The following PCMT1 variants were observed in gnomAD, a reference collection of about 807,000 sequenced individuals.
PCMT1 encodes the protein protein-L-isoaspartate(D-aspartate) O-methyltransferase.
In PCMT1, 9 loss-of-function variants were observed where a neutral mutation model predicts 29.2. That is an observed-to-expected ratio of 0.31 (90% CI 0.19 to 0.54). The LOEUF (loss-of-function observed/expected upper bound fraction) is 0.54. PCMT1 is among the 20% of genes least tolerant of loss of function. The pLI, the probability that PCMT1 is intolerant of heterozygous loss-of-function variation, is 0.95. For synonymous variants in PCMT1, 98 were observed against 97.5 expected (o/e 1.00, Z -0.03); for missense variants, 184 against 282.2 (o/e 0.65, Z 2.49).
intron 3 of PCMT1, among the ~76,000 whole-genome samples, chr6:149,785,962 C>G (rs1164421294): frequency 6.6e-6 from 1 of 151,096 alleles, no homozygotes; most frequent in Non-Finnish European, 1.5e-5. Context: ...CAGAGGGGCT[C>G]CTCACTTCCC....
chr6:149,800,650 T>C (rs1049100141), intron 6 of PCMT1, among the ~76,000 whole-genome samples: 1 of 152,172 alleles, frequency 6.6e-6, no homozygotes, highest in African/African-American at 2.4e-5. Context: ...GACAGGAGTG[T>C]CCTCATTCTA....
chr6:149,770,402 C>A (rs1224837365), intron 1 of PCMT1, among the ~76,000 whole-genome samples: 2 of 152,050 alleles, frequency 1.3e-5, no homozygotes, highest in Admixed American at 6.6e-5. Context: ...TTTTCTGTGT[C>A]CTTGCTGTTA....
intron 1 of PCMT1, among the ~76,000 whole-genome samples, chr6:149,766,929 A>C (rs1427382329): frequency 6.6e-6 from 1 of 152,130 alleles, no homozygotes; most frequent in Admixed American, 6.6e-5. Context: ...GATTCATTCA[A>C]GCTGAGTGTG....
At chr6:149,765,037 CTAAA>C (rs973468865) in intron 1 of PCMT1, among the ~76,000 whole-genome samples, 14 of 143,354 alleles carry the variant, frequency 9.8e-5, no homozygotes, top group East Asian at 2.1e-4. Context: ...GATTCCGTCT[CTAAA>C]TAAATAAATA....
chr6:149,766,073 A>G (rs904330152), intron 1 of PCMT1, among the ~76,000 whole-genome samples: 4 of 151,030 alleles, frequency 2.6e-5, no homozygotes, highest in Non-Finnish European at 5.9e-5. Flanking sequence ...ATCTAATTAT[A>G]CTTTCCCTTT....
intron 4 of PCMT1, among the ~76,000 whole-genome samples, chr6:149,790,516 C>CTTTT (rs80356200): frequency 2.2e-5 from 3 of 137,238 alleles, no homozygotes; most frequent in East Asian, 2.1e-4. Flanking sequence ...GTTTTCTTTT[C>CTTTT]TTTTTTTTTT....
chr6:149,786,018 C>T (rs900298547), intron 3 of PCMT1, among the ~76,000 whole-genome samples: 1 of 148,610 alleles, frequency 6.7e-6, no homozygotes, highest in East Asian at 2.1e-4. Context: ...CCGGACGGGG[C>T]GGCTGGCCGG....
intron 7 of PCMT1, 128 bp downstream of exon 7, chr6:149,802,544 C>T (rs999693002): frequency 7.2e-6 from 9 of 1,258,352 alleles, no homozygotes; most frequent in East Asian, 3.0e-5. Flanking sequence ...ATGGTCTGCC[C>T]TTATTTTGGT....
intron 3 of PCMT1, among the ~76,000 whole-genome samples, chr6:149,787,296 A>AGACCGTGGGGAGAGGGC (rs1788153499): frequency 6.7e-6 from 1 of 149,628 alleles, no homozygotes; most frequent in Admixed American, 6.7e-5. Flanking sequence ...GGGTAGAGGG[A>AGACCGTGGGGAGAGGGC]GACCGTGGGG....
intron 4 of PCMT1, among the ~76,000 whole-genome samples, chr6:149,790,454 A>G (rs1788312946): frequency 6.6e-6 from 1 of 151,974 alleles, no homozygotes; most frequent in African/African-American, 2.4e-5. Context: ...AGTAGCTCCC[A>G]AACTACCTTC....
rs766038296 is a variant in PCMT1, at chr6:149,793,539, T to C, written c.298-10T>C. 2.1e-6 allele frequency: 3 copies of C among 1,456,064 alleles called. No homozygotes were observed. The highest frequency in any genetic ancestry group is 1.5e-5 in the African/African-American group (1 of 67,988). The allele number at this position is 1,456,064 out of a possible 1,614,324, so 90.2% of individuals were successfully genotyped here. A position where few individuals can be genotyped will look rare whatever the true frequency, so the allele number is the denominator to read the frequency against. ...CCCAATGAGCTACTGAATTGTTTTC[T>C]CTTTTCCAGGTTGGATGTACTGGAA... On this transcript the variant is annotated splice_polypyrimidine_tract_variant and intron_variant, in intron 4 of 7. Transcript: ENST00000464889.
chr6:149,768,907 G>A (rs1182946340), intron 1 of PCMT1, among the ~76,000 whole-genome samples: 1 of 152,124 alleles, frequency 6.6e-6, no homozygotes, highest in African/African-American at 2.4e-5. Flanking sequence ...GATTACGGAC[G>A]TTAGCCACCG....
rs1351762076 is a variant in PCMT1 at position 149,793,597 on chromosome 6, G to T, written c.346G>T (p.Val116Leu). The T allele has an allele frequency of 1.3e-6, 2 of 1,565,814 alleles. No individual in the cohort carries two copies. Among genetic ancestry groups the T allele is most frequent in the Admixed American group, 4.1e-5 (2 of 49,184 alleles). ...AGGAATTGATCACATTAAAGAGCTA[G>T]TAGATGACTCAGTAAATAATGTCAG... is the stretch of plus-strand genomic sequence containing the variant. ...VIGIDHIKELVDDSVNNVRKD... is the reference protein window; with the variant it reads ...VIGIDHIKELLDDSVNNVRKD... The change falls in exon 5 of 8, where the codon GTA (valine) becomes TTA (leucine). Residue 116 changes from valine to leucine, a missense_variant. Val to Leu is a conservative substitution (Grantham distance 32). Coordinates refer to ENST00000464889, the MANE Select transcript of PCMT1 (RefSeq NM_001360452.2).
chr6:149,756,512 CTTTTTTTTT>C (rs61038108), intron 1 of PCMT1, among the ~76,000 whole-genome samples: 5 of 74,724 alleles, frequency 6.7e-5, no homozygotes, highest in Non-Finnish European at 1.3e-4. Context: ...CCATGACTGG[CTTTTTTTTT>C]TTTTTTTTTT....
At chr6:149,794,688 GC>G (rs1788527507) in intron 5 of PCMT1, 1 of 394,088 alleles carries the variant, frequency 2.5e-6, no homozygotes, top group African/African-American at 2.1e-5. Flanking sequence ...GAGGGATCTG[GC>G]TGAGGAGGAA....
Position 149,763,116 on chromosome 6 carries a change from T to C in PCMT1, c.56-8046T>C, listed in dbSNP as rs1269125019. ...ATATATGATATATATATCTATGATA[T>C]GTATATCTATGATATATATGATATA... On this transcript the variant is annotated intron_variant, in intron 1 of 7. Transcript: ENST00000464889. Among the ~76,000 whole-genome samples, 7 of 69,816 alleles carry C rather than the reference T, an allele frequency of 1.0e-4. 3 individuals carry two copies. The highest frequency in any genetic ancestry group is 4.0e-4 in the African/African-American group (3 of 7,520). 45.8% of individuals were successfully genotyped at this position (69,816 alleles called of 152,430 possible). A position where few individuals can be genotyped will look rare whatever the true frequency, so the allele number is the denominator to read the frequency against.
At chr6:149,786,400 TG>T (rs1788083517) in intron 3 of PCMT1, among the ~76,000 whole-genome samples, 2 of 124,552 alleles carry the variant, frequency 1.6e-5, no homozygotes, top group African/African-American at 3.2e-5. Context: ...ACGGGGTGGC[TG>T]GCCGGGCGGG....
chr6:149,770,873 C>T (rs1202319074), intron 1 of PCMT1, among the ~76,000 whole-genome samples: 2 of 151,070 alleles, frequency 1.3e-5, no homozygotes, highest in Non-Finnish European at 2.9e-5. Flanking sequence ...GTGGCGGGCA[C>T]CTGTAGTCCC....
At chr6:149,795,503 A>G (rs1357865201) in intron 5 of PCMT1, 12 of 422,406 alleles carry the variant, frequency 2.8e-5, no homozygotes, top group African/African-American at 2.1e-4. Context: ...ATCCGTTTCT[A>G]CTGCACAGCC....
Sources: gnomAD v4.1 joint callset for allele counts (sites outside exome capture counted in the v4.1 genomes callset) on GRCh38, gnomAD v4.1.1 for gene constraint, MANE v1.5 for transcripts, NCBI Gene and HGNC (gene_info 2026-07-23, HGNC 2026-07-21) for gene names.